The following ACYP2 variants were observed in gnomAD, a reference collection of about 807,000 sequenced individuals.
ACYP2 encodes acylphosphatase-2.
Under a neutral mutation model 11.2 loss-of-function variants are expected in ACYP2, and 12 were observed. The ratio of observed to expected loss-of-function variants is 1.08; its 90% CI spans 0.69 to 1.74. The LOEUF is 1.74. Ranked by LOEUF, ACYP2 falls within the 40% of genes most tolerant of loss-of-function variation. The pLI is 0.00. For missense variants in ACYP2, 134 were observed against 101.9 expected, an observed-to-expected ratio of 1.31 and a Z score of -1.35; for synonymous variants, 43 against 32.2, an observed-to-expected ratio of 1.33 and a Z score of -1.13.
rs1428746258 is a variant in ACYP2, at chr2:53,977,038, A to G, written c.62+3228A>G. ...ACATTTGTTTTACCTTCTCATTCTA[A>G]TATCCATATTTCTTTTCTTTTCTTT... is the stretch of plus-strand genomic sequence containing the variant. On this transcript the variant is annotated intron_variant, in intron 2 of 6. Transcript: ENST00000607452. Among the ~76,000 whole-genome samples the G allele has an allele frequency of 2.0e-5, 3 of 151,858 alleles. No individual in the cohort carries two copies. In the East Asian group the frequency reaches 5.8e-4, roughly 29 times the overall value.
At chr2:54,029,783 T>C in intron 2 of ACYP2, 1 of 588,762 alleles carries the variant, frequency 1.7e-6, no homozygotes, top group Non-Finnish European at 3.2e-6. Context: ...CTCTTCCAGT[T>C]TAGCCATGGT....
intron 2 of ACYP2, among the ~76,000 whole-genome samples, chr2:54,012,961 G>A (rs546302160): frequency 1.3e-5 from 2 of 152,108 alleles, no homozygotes; most frequent in African/African-American, 4.8e-5. Flanking sequence ...CTCTAGTTAC[G>A]CCAGCTCTTA....
intron 6 of ACYP2, among the ~76,000 whole-genome samples, chr2:54,296,071 C>T (rs936374487): frequency 3.9e-5 from 6 of 152,156 alleles, no homozygotes; most frequent in Admixed American, 2.6e-4. Context: ...ATCCTGCCAC[C>T]TTCTTAGAAT....
intron 2 of ACYP2, among the ~76,000 whole-genome samples, chr2:54,006,474 G>C (rs1325547959): frequency 6.7e-6 from 1 of 149,496 alleles, no homozygotes; most frequent in East Asian, 1.9e-4. Context: ...TTGTAGAGAT[G>C]GTGTCTTGCT....
intron 6 of ACYP2, among the ~76,000 whole-genome samples, chr2:54,228,906 G>C (rs576964093): frequency 6.8e-4 from 104 of 152,220 alleles, no homozygotes; most frequent in African/African-American, 2.4e-3. Flanking sequence ...CAGTGGACTG[G>C]AATAAAATCA....
At chr2:53,991,633 G>A (rs933764921) in intron 2 of ACYP2, among the ~76,000 whole-genome samples, 3 of 151,958 alleles carry the variant, frequency 2.0e-5, no homozygotes, top group East Asian at 1.9e-4. Context: ...TCGAACTCCC[G>A]ACCTCAGGTG....
intron 2 of ACYP2, among the ~76,000 whole-genome samples, chr2:53,982,701 C>G (rs1012065059): frequency 6.6e-6 from 1 of 152,184 alleles, no homozygotes; most frequent in African/African-American, 2.4e-5. Flanking sequence ...TAAACTACCC[C>G]TGTTGAGTGA....
intron 2 of ACYP2, among the ~76,000 whole-genome samples, chr2:53,976,753 T>G (rs1671514067): frequency 6.6e-6 from 1 of 152,214 alleles, no homozygotes. Flanking sequence ...CTACTTCACT[T>G]CATTTGAACT....
At chr2:54,116,526 C>T (rs1167755684) in intron 4 of ACYP2, among the ~76,000 whole-genome samples, 4 of 148,280 alleles carry the variant, frequency 2.7e-5, no homozygotes, top group African/African-American at 1.0e-4. Context: ...TTTGCTCACC[C>T]TATCATACTT....
intron 6 of ACYP2, among the ~76,000 whole-genome samples, chr2:54,296,097 G>C (rs1689510567): frequency 6.6e-6 from 1 of 152,168 alleles, no homozygotes; most frequent in African/African-American, 2.4e-5. Flanking sequence ...TTCTGTTGTG[G>C]AGGAGGCATA....
At chr2:54,118,016 T>C (rs755719649) in intron 4 of ACYP2, among the ~76,000 whole-genome samples, 10 of 152,204 alleles carry the variant, frequency 6.6e-5, no homozygotes, top group African/African-American at 9.6e-5. Flanking sequence ...AGTGAGAACA[T>C]AGAATGTTTA....
chr2:54,078,779 G>A (rs935768739), intron 4 of ACYP2, among the ~76,000 whole-genome samples: 1 of 151,914 alleles, frequency 6.6e-6, no homozygotes, highest in Non-Finnish European at 1.5e-5. Flanking sequence ...TCTATTTTTA[G>A]TAGAGATGTA....
intron 6 of ACYP2, among the ~76,000 whole-genome samples, chr2:54,206,636 A>G (rs1489775598): frequency 6.6e-6 from 1 of 152,210 alleles, no homozygotes; most frequent in Non-Finnish European, 1.5e-5. Flanking sequence ...TAAACTCTCC[A>G]TTTCACTTTA....
At chr2:54,201,620 C>CT (rs745652658) in intron 6 of ACYP2, among the ~76,000 whole-genome samples, 9 of 87,078 alleles carry the variant, frequency 1.0e-4, no homozygotes, top group Non-Finnish European at 1.7e-4. Flanking sequence ...TTCTTTCTTT[C>CT]TTTGTTTCTT....
intron 2 of ACYP2, among the ~76,000 whole-genome samples, chr2:53,978,160 G>A (rs1324668133): frequency 1.3e-5 from 2 of 151,782 alleles, no homozygotes; most frequent in African/African-American, 4.8e-5. Context: ...TATTTTGGAG[G>A]CTGAGACAGG....
At chr2:53,971,657 A>C (rs1671127929) in intron 1 of ACYP2, among the ~76,000 whole-genome samples, 1 of 152,238 alleles carries the variant, frequency 6.6e-6, no homozygotes, top group South Asian at 2.1e-4. Flanking sequence ...GAATTACAAG[A>C]TAATGCTCTT....
At chr2:54,272,340 T>C (rs564264332) in intron 6 of ACYP2, among the ~76,000 whole-genome samples, 38 of 152,292 alleles carry the variant, frequency 2.5e-4, no homozygotes, top group African/African-American at 8.2e-4. Flanking sequence ...AGGAGCTGCA[T>C]TGACCATGAA....
In ACYP2 at chr2:54,125,809, C is replaced by T. The variant is rs569545242; in HGVS notation, c.278-9644C>T. 2.6e-3 allele frequency among the ~76,000 whole-genome samples: 399 copies of T among 151,964 alleles called. 1 individual carries two copies. Among genetic ancestry groups the T allele is most frequent in the Non-Finnish European group, 3.8e-3 (260 of 67,972 alleles). On this transcript the variant is annotated intron_variant, in intron 4 of 6. Transcript: ENST00000607452. Reference sequence around the variant, plus strand: ...TTAAAAAGGGGATTCAGGCTGGGCACAGTGGCTCACGCCTGTAATCCCAGC... The same window carrying T: ...TTAAAAAGGGGATTCAGGCTGGGCATAGTGGCTCACGCCTGTAATCCCAGC...
At chr2:54,258,082 A>G (rs1687633479) in intron 6 of ACYP2, among the ~76,000 whole-genome samples, 1 of 152,220 alleles carries the variant, frequency 6.6e-6, no homozygotes, top group South Asian at 2.1e-4. Flanking sequence ...TATAACGGTG[A>G]ACAGACCAAA....
Sources: gnomAD v4.1 joint callset for allele counts (sites outside exome capture counted in the v4.1 genomes callset) on GRCh38, gnomAD v4.1.1 for gene constraint, MANE v1.5 for transcripts, NCBI Gene and HGNC (gene_info 2026-07-23, HGNC 2026-07-21) for gene names.